The following ZNF738 variants were observed in gnomAD, a reference collection of about 807,000 sequenced individuals.
The protein encoded by ZNF738 is zinc finger protein 738, also known as protein ZNF738.
Under a neutral mutation model 9.2 loss-of-function variants are expected in ZNF738, and 10 were observed. The ratio of observed to expected loss-of-function variants is 1.09; its 90% CI spans 0.67 to 1.85. The LOEUF (loss-of-function observed/expected upper bound fraction) is 1.85, where lower values mean the gene tolerates loss of function less well. ZNF738 is among the 40% of genes most tolerant of loss of function. The pLI is 0.00. For missense variants in ZNF738, 346 were observed against 283.6 expected, an observed-to-expected ratio of 1.22 and a Z score of -1.58; for synonymous variants, 113 against 94.5, an observed-to-expected ratio of 1.20 and a Z score of -1.14.
At chr19:21,368,890 C>T (rs989573784) in intron 2 of ZNF738, among the ~76,000 whole-genome samples, 6 of 152,230 alleles carry the variant, frequency 3.9e-5, no homozygotes, top group East Asian at 3.9e-4. Context: ...ATACTTGCCA[C>T]GACGCCCAGC....
At chr19:21,366,565 G>C (rs1227212255) in intron 2 of ZNF738, among the ~76,000 whole-genome samples, 1 of 152,110 alleles carries the variant, frequency 6.6e-6, no homozygotes, top group Non-Finnish European at 1.5e-5. Context: ...CCCAAGAGAG[G>C]GTTCTTGTAT....
At chr19:21,373,331 T>G (rs1378156982) in intron 2 of ZNF738, among the ~76,000 whole-genome samples, 1 of 152,214 alleles carries the variant, frequency 6.6e-6, no homozygotes, top group African/African-American at 2.4e-5. Context: ...TTGTGTCTCA[T>G]GTGACTCTAA....
intron 2 of ZNF738, among the ~76,000 whole-genome samples, chr19:21,374,963 A>C (rs568148800): frequency 1.3e-4 from 20 of 152,314 alleles, no homozygotes; most frequent in Admixed American, 8.5e-4. Context: ...TAACACTAAA[A>C]AATATACATG....
At chr19:21,371,155 G>A (rs979815250) in intron 2 of ZNF738, among the ~76,000 whole-genome samples, 101 of 152,266 alleles carry the variant, frequency 6.6e-4, no homozygotes, top group African/African-American at 2.2e-3. Flanking sequence ...AAGTATTCTC[G>A]TCCTTCTTCT....
intron 2 of ZNF738, among the ~76,000 whole-genome samples, chr19:21,365,829 C>T (rs62110367): frequency 0.14 from 21,070 of 151,748 alleles, 1,967 homozygotes; most frequent in Non-Finnish European, 0.21. Context: ...TGGTAGGGCG[C>T]GCCTATAATC....
chr19:21,376,162 G>T, intron 4 of ZNF738, 198 bp downstream of exon 4: 1 of 399,450 alleles, frequency 2.5e-6, no homozygotes, highest in Non-Finnish European at 4.6e-6. Flanking sequence ...TCTGTCTTAG[G>T]CTTTTAAATT....
Position 21,387,502 on chromosome 19 carries a change from A to G in ZNF738, c.*3828A>G, listed in dbSNP as rs1184179787. Among the ~76,000 whole-genome samples the G allele has an allele frequency of 2.6e-5, 4 of 152,168 alleles. No individual in the cohort carries two copies. The highest frequency in any genetic ancestry group is 2.6e-4 in the Admixed American group (4 of 15,266). On this transcript the variant is annotated 3_prime_UTR_variant, in exon 5 of 5. Transcript: ENST00000683779. Reference sequence around the variant, plus strand: ...ACCACTCCCTGCCTTACTTGATTACATTCAATATAATTCATACTGGAAAGA... The same window carrying G: ...ACCACTCCCTGCCTTACTTGATTACGTTCAATATAATTCATACTGGAAAGA...
chr19:21,380,437 G>A (rs1478696104), intron 4 of ZNF738, among the ~76,000 whole-genome samples: 1 of 152,180 alleles, frequency 6.6e-6, no homozygotes, highest in Non-Finnish European at 1.5e-5. Flanking sequence ...GGCCTGTGGA[G>A]TGGGGGTGGA....
chr19:21,384,374 C>A lies in ZNF738; in HGVS notation c.*700C>A, dbSNP rs376713720. 6.6e-6 allele frequency among the ~76,000 whole-genome samples: 1 copy of A among 151,512 alleles called. No individual in the cohort carries two copies. The highest frequency in any genetic ancestry group is 2.4e-5 in the African/African-American group (1 of 41,194). ...GCAAAGCCTTTAATGTATTCTCAACCCTTACTAAACATAAGAGAATTCATA... is the reference window on the plus strand; with the variant it reads ...GCAAAGCCTTTAATGTATTCTCAACACTTACTAAACATAAGAGAATTCATA... On this transcript the variant is annotated 3_prime_UTR_variant, in exon 5 of 5. Transcript: ENST00000683779.
At chr19:21,359,744 G>T (rs1015195732) in intron 1 of ZNF738, among the ~76,000 whole-genome samples, 2 of 151,948 alleles carry the variant, frequency 1.3e-5, no homozygotes, top group Admixed American at 6.5e-5. Flanking sequence ...GGGCGTGGTG[G>T]CGGGCGCCTG....
At chr19:21,368,141 A>G (rs1264373629) in intron 2 of ZNF738, among the ~76,000 whole-genome samples, 4 of 152,148 alleles carry the variant, frequency 2.6e-5, no homozygotes, top group African/African-American at 4.8e-5. Flanking sequence ...CAGGTTTGTT[A>G]TATAGGTAAA....
At chr19:21,377,594 CTT>C in intron 4 of ZNF738, 2 of 475,962 alleles carry the variant, frequency 4.2e-6, no homozygotes, top group Non-Finnish European at 7.4e-6. Flanking sequence ...TTCTTTGTCT[CTT>C]TGCAGTTTTG....
Position 21,386,352 on chromosome 19 carries a change from C to G in ZNF738, c.*2678C>G, listed in dbSNP as rs1361279219. The stretch of plus-strand genomic sequence containing the variant: ...CTGGAGGGAAATCCCACCCATGTGG[C>G]AAAGCTTTTAATCAATCCTCAAACC... On this transcript the variant is annotated 3_prime_UTR_variant, in exon 5 of 5. Transcript: ENST00000683779. The G allele has an allele frequency of 6.6e-6, 2 of 304,360 alleles. No homozygotes were observed. The highest frequency in any genetic ancestry group is 6.8e-4 in the Middle Eastern group (1 of 1,464). The allele number at this position is 304,360 out of a possible 1,614,324, so 18.9% of individuals were successfully genotyped here. A position where few individuals can be genotyped will look rare whatever the true frequency, so the allele number is the denominator to read the frequency against.
chr19:21,363,236 AAT>A (rs1973723301), intron 2 of ZNF738, among the ~76,000 whole-genome samples: 1 of 152,218 alleles, frequency 6.6e-6, no homozygotes, highest in South Asian at 2.1e-4. Context: ...GTGTTTGAGT[AAT>A]TTTTTTGGAT....
chr19:21,385,470 A>G lies in ZNF738; in HGVS notation c.*1796A>G, dbSNP rs1216928779. ...GACTCTATCTCCAAAAAAATAAATA[A>G]ATAAATAAAAAAAATAAGAGAGTTC... On this transcript the variant is annotated 3_prime_UTR_variant, in exon 5 of 5. Coordinates refer to ENST00000683779, the MANE Select transcript of ZNF738 (RefSeq NM_001355237.2). Among the ~76,000 whole-genome samples, 1 of 151,804 alleles carries G rather than the reference A, an allele frequency of 6.6e-6. No homozygotes were observed. The highest frequency in any genetic ancestry group is 1.9e-4 in the East Asian group (1 of 5,192).
chr19:21,362,097 GA>G (rs1973705573), intron 2 of ZNF738, among the ~76,000 whole-genome samples: 1 of 148,110 alleles, frequency 6.8e-6, no homozygotes, highest in Non-Finnish European at 1.5e-5. Flanking sequence ...TAATAATAAT[GA>G]TAATAATAAT....
rs774723847 is a variant in ZNF738, at chr19:21,375,240, G to A, written c.99G>A (p.Gly33=). 3 of 1,117,500 alleles carry A rather than the reference G, an allele frequency of 2.7e-6. No homozygotes were observed. The highest frequency in any genetic ancestry group is 4.1e-6 in the Non-Finnish European group (3 of 739,104). The allele number at this position is 1,117,500 out of a possible 1,614,324, so 69.2% of individuals were successfully genotyped here. A position where few individuals can be genotyped will look rare whatever the true frequency, so the allele number is the denominator to read the frequency against. ...NLLEYSYFEK[G]PLTFRDVVIE... ...GTGTGTGTGTGTGTGTTTTTCAGGGGCCGTTGACATTTAGGGATGTGGTCA... is the reference window on the plus strand; with the variant it reads ...GTGTGTGTGTGTGTGTTTTTCAGGGACCGTTGACATTTAGGGATGTGGTCA... The change falls in exon 3 of 5, where the codon GGG becomes GGA. Residue 33 remains glycine, a splice_region_variant and synonymous_variant. Coordinates refer to ENST00000683779, the MANE Select transcript of ZNF738 (RefSeq NM_001355237.2).
intron 4 of ZNF738, among the ~76,000 whole-genome samples, chr19:21,380,383 C>A (rs866611304): frequency 6.6e-6 from 1 of 152,172 alleles, no homozygotes; most frequent in African/African-American, 2.4e-5. Flanking sequence ...GCATGTGTCA[C>A]CTACAAGGAA....
Position 21,375,257 on chromosome 19 carries a change from A to G in ZNF738, c.116A>G (p.Asp39Gly). ...YFEKGPLTFR[D>G]VVIEFSQEEW... ...TTTCAGGGGCCGTTGACATTTAGGG[A>G]TGTGGTCATAGAATTCTCTCAGGAG... is the stretch of plus-strand genomic sequence containing the variant. Residue 39 changes from aspartate to glycine, a missense_variant, in exon 3 of 5, where the codon GAT (aspartate) becomes GGT (glycine). Coordinates refer to ENST00000683779, the MANE Select transcript of ZNF738 (RefSeq NM_001355237.2). 8.7e-7 allele frequency: 1 copy of G among 1,152,636 alleles called. No homozygotes were observed. The highest frequency in any genetic ancestry group is 1.2e-5 in the South Asian group (1 of 80,704). The allele number at this position is 1,152,636 out of a possible 1,614,324, so 71.4% of individuals were successfully genotyped here.
Sources: allele counts gnomAD v4.1 joint callset (sites outside exome capture counted in the v4.1 genomes callset), GRCh38; gene constraint gnomAD v4.1.1; transcripts MANE v1.5; gene names NCBI Gene and HGNC (gene_info 2026-07-23, HGNC 2026-07-21).